Variants in PCDHA12 observed in about 807,000 individuals in gnomAD.
The protein encoded by PCDHA12 is protocadherin alpha 12, also known as protocadherin alpha-12.
PCDHA12 carries 44 observed loss-of-function variants against 60.0 expected under a neutral mutation model. That is an observed-to-expected ratio of 0.73 (90% CI 0.58 to 0.94). The LOEUF (loss-of-function observed/expected upper bound fraction) is 0.94, where lower values mean the gene tolerates loss of function less well. PCDHA12 is among the 40% of genes least tolerant of loss of function. The pLI, the probability that PCDHA12 is intolerant of heterozygous loss-of-function variation, is 0.00. For synonymous variants in PCDHA12, 569 were observed against 553.0 expected (o/e 1.03, Z -0.40); for missense variants, 1,276 against 1,239.7 (o/e 1.03, Z -0.44).
At chr5:140,889,632 C>T (rs265311) in intron 1 of PCDHA12, among the ~76,000 whole-genome samples, 138,318 of 152,176 alleles carry the variant, frequency 0.91, 63,092 homozygotes, top group East Asian at 1. Context: ...CTCTTCTTTT[C>T]ATTTGTGTTT....
At chr5:140,946,634 A>ATATATAT (rs1554217761) in intron 1 of PCDHA12, among the ~76,000 whole-genome samples, 3 of 147,376 alleles carry the variant, frequency 2.0e-5, no homozygotes, top group African/African-American at 5.1e-5. Context: ...ATATATATAC[A>ATATATAT]ATGGAATACT....
chr5:140,929,470 T>G (rs1554207109), intron 1 of PCDHA12: 3 of 1,296,742 alleles, frequency 2.3e-6, no homozygotes, highest in Admixed American at 2.9e-5. Context: ...CCAAGAAATC[T>G]GGAAGTATAG....
intron 1 of PCDHA12, among the ~76,000 whole-genome samples, chr5:140,948,364 G>C (rs1554218529): frequency 6.6e-6 from 1 of 151,472 alleles, no homozygotes; most frequent in African/African-American, 2.4e-5. Flanking sequence ...AAATGACTTA[G>C]GAGGTGTTCC....
intron 1 of PCDHA12, among the ~76,000 whole-genome samples, chr5:140,913,296 T>A (rs538964015): frequency 2.1e-4 from 32 of 152,322 alleles, no homozygotes; most frequent in African/African-American, 7.0e-4. Flanking sequence ...TTTAATTTCT[T>A]CATAGATCAA....
intron 1 of PCDHA12, chr5:140,881,346 A>G (rs534939044): frequency 1.0e-6 from 1 of 985,162 alleles, no homozygotes; most frequent in Non-Finnish European, 1.2e-6. Context: ...GATTCGGGCT[A>G]CAATGCGTGG....
chr5:140,988,578 C>A (rs1490917539), intron 3 of PCDHA12, among the ~76,000 whole-genome samples: 1 of 152,138 alleles, frequency 6.6e-6, no homozygotes, highest in African/African-American at 2.4e-5. Context: ...ACACTCTGTA[C>A]CTTCCACTTT....
chr5:140,942,545 G>T (rs981508818), intron 1 of PCDHA12, among the ~76,000 whole-genome samples: 1 of 151,970 alleles, frequency 6.6e-6, no homozygotes, highest in Non-Finnish European at 1.5e-5. Flanking sequence ...ATGGTGGGGG[G>T]TAGGGGGTTG....
intron 1 of PCDHA12, among the ~76,000 whole-genome samples, chr5:140,917,405 T>C (rs2153543748): frequency 6.6e-6 from 1 of 152,162 alleles, no homozygotes; most frequent in South Asian, 2.1e-4. Flanking sequence ...AGCTCTTTAG[T>C]TTAATTAGGC....
chr5:140,973,493 C>T (rs1050229284), intron 1 of PCDHA12, among the ~76,000 whole-genome samples: 1 of 152,116 alleles, frequency 6.6e-6, no homozygotes, highest in African/African-American at 2.4e-5. Context: ...TCACAGGACT[C>T]TTCTTCTGAG....
At position 140,985,395 on chromosome 5, in the gene PCDHA12, C is replaced by G. The variant is rs377641758; in HGVS notation, c.2515+2832C>G. 2.6e-5 allele frequency among the ~76,000 whole-genome samples: 4 copies of G among 152,302 alleles called. No individual in the cohort carries two copies. The East Asian group carries it at 7.7e-4, about 29-fold the overall frequency. On this transcript the variant is annotated intron_variant, in intron 3 of 3. Coordinates refer to ENST00000398631, the MANE Select transcript of PCDHA12 (RefSeq NM_018903.4). ...GGTCTATATAATCCAGTCACCCCAACTGTTCCCCTGGAAATGGAGTGAGGA... is the reference window on the plus strand; with the variant it reads ...GGTCTATATAATCCAGTCACCCCAAGTGTTCCCCTGGAAATGGAGTGAGGA...
At chr5:141,000,421 A>ATTTTTTTTT (rs34755515) in intron 3 of PCDHA12, among the ~76,000 whole-genome samples, 3 of 27,980 alleles carry the variant, frequency 1.1e-4, no homozygotes, top group African/African-American at 1.8e-4. Flanking sequence ...ATATATATAT[A>ATTTTTTTTT]TTTTTTTTTT....
chr5:140,960,849 A>G (rs1347970743), intron 1 of PCDHA12, among the ~76,000 whole-genome samples: 10 of 152,220 alleles, frequency 6.6e-5, no homozygotes, highest in African/African-American at 2.2e-4. Context: ...TTTAATGGCA[A>G]CTATAAGCCA....
At chr5:140,949,584 A>T (rs1313706016) in intron 1 of PCDHA12, among the ~76,000 whole-genome samples, 5 of 151,722 alleles carry the variant, frequency 3.3e-5, no homozygotes, top group Admixed American at 6.6e-5. Context: ...CTTTTGTGTG[A>T]TATTAATGTG....
At chr5:140,910,854 T>G (rs2075197535) in intron 1 of PCDHA12, among the ~76,000 whole-genome samples, 1 of 152,212 alleles carries the variant, frequency 6.6e-6, no homozygotes, top group East Asian at 1.9e-4. Flanking sequence ...GGATCTATGT[T>G]CCATCCACCA....
chr5:140,877,797 C>T lies in PCDHA12; in HGVS notation c.2325C>T (p.Ser775=). 6.2e-7 allele frequency: 1 copy of T among 1,613,630 alleles called. No individual in the cohort carries two copies. The change falls in exon 1 of 4, where the codon AGC becomes AGT. Residue 775 remains serine (S), a synonymous_variant. Transcript: ENST00000398631. ...PKTDLMAFSP[S]LQLSREDCLN... ...CGGACCTCATGGCCTTCAGCCCAAG[C>T]CTTCAGCTGTCTCGAGAAGATTGTT...
Position 140,918,290 on chromosome 5 carries a change from C to A in PCDHA12, c.2367+40451C>A, listed in dbSNP as rs188994807. ...TTTATCAGATGTAGGAGCTTTTTGG[C>A]AGAGAATATAGGGTTTTCTAGGTAT... On this transcript the variant is annotated intron_variant, in intron 1 of 3. Transcript: ENST00000398631. Among the ~76,000 whole-genome samples the A allele has an allele frequency of 2.1e-3, 321 of 152,226 alleles. 1 individual carries two copies. Among genetic ancestry groups the A allele is most frequent in the African/African-American group, 7.5e-3 (313 of 41,534 alleles).
At chr5:140,993,225 T>C (rs1036685362) in intron 3 of PCDHA12, among the ~76,000 whole-genome samples, 2 of 152,206 alleles carry the variant, frequency 1.3e-5, no homozygotes, top group Admixed American at 6.5e-5. Context: ...TTTTGGTATG[T>C]TCTCTCTGAA....
At position 140,876,483 on chromosome 5, in the gene PCDHA12, G is replaced by T. The variant is rs373900620; in HGVS notation, c.1011G>T (p.Leu337=). ...CCATGGCAGGTCACAGCATGGTCCTGGTGGAAGTTCTGGACGTGAATGACA... is the reference window on the plus strand; with the variant it reads ...CCATGGCAGGTCACAGCATGGTCCTTGTGGAAGTTCTGGACGTGAATGACA... ...IPSMAGHSMV[L]VEVLDVNDNV... is the part of the protein sequence containing the mutation. Residue 337 remains leucine, a synonymous_variant, in exon 1 of 4, where the codon CTG becomes CTT. Transcript: ENST00000398631. The T allele has an allele frequency of 6.2e-7, 1 of 1,614,004 alleles. No homozygotes were observed. The highest frequency in any genetic ancestry group is 8.5e-7 in the Non-Finnish European group (1 of 1,179,890).
intron 1 of PCDHA12, chr5:140,966,981 TG>T (rs2096079365): frequency 1.2e-6 from 2 of 1,603,254 alleles, no homozygotes; most frequent in African/African-American, 2.7e-5. Flanking sequence ...CTGCGGCGCT[TG>T]GGGCCGGGTT....
Sources: gnomAD v4.1 joint callset for allele counts (sites outside exome capture counted in the v4.1 genomes callset) on GRCh38, gnomAD v4.1.1 for gene constraint, MANE v1.5 for transcripts, NCBI Gene and HGNC (gene_info 2026-07-23, HGNC 2026-07-21) for gene names.